TBC1D5: variants seen among roughly 807,000 people sequenced by gnomAD.
TBC1D5 encodes TBC1 domain family member 5, also known as TBC1 domain family, member 5.
A neutral mutation model predicts 100.3 loss-of-function variants in TBC1D5; 75 were observed. The observed-to-expected ratio is 0.75, with a 90% CI of 0.62 to 0.91. The LOEUF (loss-of-function observed/expected upper bound fraction) is 0.91. Ranked by LOEUF, TBC1D5 falls within the 40% of genes least tolerant of loss-of-function variation. TBC1D5 has a pLI of 0.00. For synonymous variants in TBC1D5, 323 were observed against 325.6 expected, an observed-to-expected ratio of 0.99 and a Z score of 0.09; for missense variants, 910 against 942.4, an observed-to-expected ratio of 0.97 and a Z score of 0.45.
intron 2 of TBC1D5, among the ~76,000 whole-genome samples, chr3:17,607,960 T>C (rs1452381378): frequency 1.3e-5 from 2 of 152,174 alleles, no homozygotes; most frequent in African/African-American, 4.8e-5. Flanking sequence ...ACCACCTTAA[T>C]GTGATCAAGG....
At chr3:17,722,279 G>A (rs1434051677) in intron 1 of TBC1D5, among the ~76,000 whole-genome samples, 1 of 151,780 alleles carries the variant, frequency 6.6e-6, no homozygotes, top group African/African-American at 2.4e-5. Flanking sequence ...AAAATACTTG[G>A]GACCAGAAGT....
chr3:17,161,845 C>T (rs1239402589), intron 21 of TBC1D5, among the ~76,000 whole-genome samples: 1 of 151,980 alleles, frequency 6.6e-6, no homozygotes, highest in East Asian at 1.9e-4. Flanking sequence ...TCATTGCTAG[C>T]TCATCTTGGG....
intron 3 of TBC1D5, among the ~76,000 whole-genome samples, chr3:17,445,085 A>G (rs1357142969): frequency 9.9e-5 from 15 of 152,152 alleles, no homozygotes; most frequent in Admixed American, 9.8e-4. Context: ...TTTTCCCCTT[A>G]TCAGTGGACA....
chr3:17,410,678 A>G (rs1382418408), intron 4 of TBC1D5, among the ~76,000 whole-genome samples: 2 of 152,138 alleles, frequency 1.3e-5, no homozygotes, highest in Non-Finnish European at 2.9e-5. Flanking sequence ...AGGGGTTTCA[A>G]GACTTCAGTG....
chr3:17,308,255 AAATAT>A (rs923029865), intron 13 of TBC1D5, 121 bp from the exon 14 acceptor site: 15 of 919,164 alleles, frequency 1.6e-5, no homozygotes, highest in East Asian at 9.6e-5. Context: ...TATATATCAA[AAATAT>A]AATATAGTAA....
chr3:17,549,947 A>G (rs1000366856), intron 2 of TBC1D5, among the ~76,000 whole-genome samples: 1 of 150,172 alleles, frequency 6.7e-6, no homozygotes, highest in Admixed American at 6.7e-5. Context: ...AATAATAATA[A>G]TAATAGTAAT....
intron 3 of TBC1D5, among the ~76,000 whole-genome samples, chr3:17,438,239 C>T (rs1685310034): frequency 6.6e-6 from 1 of 152,110 alleles, no homozygotes; most frequent in Non-Finnish European, 1.5e-5. Flanking sequence ...TTCAGAAGAG[C>T]TTGCTAAGAA....
At chr3:17,641,469 G>A (rs1050649762) in intron 1 of TBC1D5, among the ~76,000 whole-genome samples, 2 of 152,034 alleles carry the variant, frequency 1.3e-5, no homozygotes. Context: ...TATATAAAGT[G>A]GGGACCTAAC....
intron 1 of TBC1D5, among the ~76,000 whole-genome samples, chr3:17,630,226 A>C (rs1165555237): frequency 6.6e-6 from 1 of 152,132 alleles, no homozygotes; most frequent in Non-Finnish European, 1.5e-5. Context: ...TGACATACCT[A>C]CTTTTATTGA....
chr3:17,713,515 T>G (rs1365415899), intron 1 of TBC1D5, among the ~76,000 whole-genome samples: 1 of 152,174 alleles, frequency 6.6e-6, no homozygotes, highest in Non-Finnish European at 1.5e-5. Flanking sequence ...GTGCTGAGAT[T>G]ACAGGCATGA....
chr3:17,731,747 C>T (rs983999556), intron 1 of TBC1D5, among the ~76,000 whole-genome samples: 2 of 151,900 alleles, frequency 1.3e-5, no homozygotes, highest in Non-Finnish European at 2.9e-5. Flanking sequence ...GAGTTTGATG[C>T]CTGTACATGA....
At chr3:17,728,960 A>AATAT (rs1344282645) in intron 1 of TBC1D5, among the ~76,000 whole-genome samples, 1 of 149,118 alleles carries the variant, frequency 6.7e-6, no homozygotes, top group Non-Finnish European at 1.5e-5. Flanking sequence ...GAATATTTCC[A>AATAT]ATATATGATA....
At chr3:17,241,101 T>C (rs1333538908) in intron 16 of TBC1D5, among the ~76,000 whole-genome samples, 1 of 152,084 alleles carries the variant, frequency 6.6e-6, no homozygotes. Flanking sequence ...TTGAAGGTGA[T>C]TATGTGTCTT....
chr3:17,209,224 G>A (rs150277453), intron 18 of TBC1D5, among the ~76,000 whole-genome samples: 119 of 152,236 alleles, frequency 7.8e-4, no homozygotes, highest in African/African-American at 2.6e-3. Flanking sequence ...CACTGCTCAC[G>A]CAGACTTGAT....
intron 4 of TBC1D5, among the ~76,000 whole-genome samples, chr3:17,425,311 G>A (rs577233422): frequency 6.6e-6 from 1 of 152,292 alleles, no homozygotes; most frequent in Non-Finnish European, 1.5e-5. Context: ...ATCTGAACCA[G>A]TACACTATGT....
intron 17 of TBC1D5, among the ~76,000 whole-genome samples, chr3:17,221,117 C>T (rs868259692): frequency 3.3e-5 from 5 of 151,950 alleles, no homozygotes; most frequent in South Asian, 4.1e-4. Context: ...AAAAACCATA[C>T]GGGAGGCAGA....
chr3:17,435,471 A>G (rs2094519094), intron 3 of TBC1D5, among the ~76,000 whole-genome samples: 1 of 152,242 alleles, frequency 6.6e-6, no homozygotes, highest in African/African-American at 2.4e-5. Flanking sequence ...GTCCTTCTTC[A>G]TATGGCAGCA....
chr3:17,478,197 T>G (rs919430783), intron 3 of TBC1D5, among the ~76,000 whole-genome samples: 1 of 152,174 alleles, frequency 6.6e-6, no homozygotes, highest in African/African-American at 2.4e-5. Context: ...TCAATTGTCT[T>G]AGGTTTTCAG....
intron 13 of TBC1D5, among the ~76,000 whole-genome samples, chr3:17,317,778 T>C (rs1480748571): frequency 6.6e-6 from 1 of 152,202 alleles, no homozygotes; most frequent in Non-Finnish European, 1.5e-5. Context: ...CTACCACATT[T>C]GGACTGTAAA....
Sources: allele counts gnomAD v4.1 joint callset (sites outside exome capture counted in the v4.1 genomes callset), GRCh38; gene constraint gnomAD v4.1.1; transcripts MANE v1.5; gene names NCBI Gene and HGNC (gene_info 2026-07-23, HGNC 2026-07-21).